RIMS1: variants seen among roughly 807,000 people sequenced by gnomAD.
RIMS1 encodes regulating synaptic membrane exocytosis protein 1.
A neutral mutation model predicts 214.1 loss-of-function variants in RIMS1; 83 were observed. That is an observed-to-expected ratio of 0.39 (90% CI 0.32 to 0.47). The LOEUF is 0.47. RIMS1 is among the 20% of genes least tolerant of loss of function. The pLI, the probability that RIMS1 is intolerant of heterozygous loss-of-function variation, is 0.99. For synonymous variants in RIMS1, 793 were observed against 786.8 expected (o/e 1.01, Z -0.13); for missense variants, 2,050 against 2,161.8 (o/e 0.95, Z 1.03).
chr6:72,327,051 C>T (rs547126060), intron 28 of RIMS1, among the ~76,000 whole-genome samples: 1 of 151,738 alleles, frequency 6.6e-6, no homozygotes, highest in South Asian at 2.1e-4. Context: ...CCTAAAGCCT[C>T]CAGATGAAAC....
intron 29 of RIMS1, among the ~76,000 whole-genome samples, chr6:72,337,871 G>A (rs529853202): frequency 2.0e-4 from 30 of 151,236 alleles, no homozygotes; most frequent in African/African-American, 6.8e-4. Context: ...ATAGTTTGCT[G>A]AGAATGATGG....
chr6:71,996,396 T>C (rs1803443731), intron 2 of RIMS1, among the ~76,000 whole-genome samples: 1 of 152,208 alleles, frequency 6.6e-6, no homozygotes, highest in Admixed American at 6.5e-5. Context: ...TTGTGTTTTA[T>C]ACCTTTACAC....
At chr6:71,896,858 C>T (rs978152491) in intron 1 of RIMS1, among the ~76,000 whole-genome samples, 6 of 152,098 alleles carry the variant, frequency 3.9e-5, no homozygotes, top group African/African-American at 1.4e-4. Flanking sequence ...CCATATTCTC[C>T]CATTTTATAT....
At chr6:72,176,396 G>T (rs745668133) in intron 4 of RIMS1, among the ~76,000 whole-genome samples, 5 of 152,146 alleles carry the variant, frequency 3.3e-5, no homozygotes, top group South Asian at 4.1e-4. Context: ...TACTGTAGAG[G>T]TCTGCAATGT....
At chr6:72,197,086 G>A (rs2051123583) in intron 6 of RIMS1, among the ~76,000 whole-genome samples, 1 of 152,046 alleles carries the variant, frequency 6.6e-6, no homozygotes, top group African/African-American at 2.4e-5. Flanking sequence ...CAGATACTAG[G>A]AGTAGGTGCC....
At chr6:72,022,674 T>C (rs1202954390) in intron 2 of RIMS1, among the ~76,000 whole-genome samples, 1 of 152,212 alleles carries the variant, frequency 6.6e-6, no homozygotes, top group African/African-American at 2.4e-5. Flanking sequence ...TTCGATGAAA[T>C]TGGTTTGAGA....
chr6:72,358,796 T>C (rs1479244654), intron 29 of RIMS1, among the ~76,000 whole-genome samples: 2 of 152,072 alleles, frequency 1.3e-5, no homozygotes, highest in East Asian at 3.9e-4. Flanking sequence ...AGGGAAAGAA[T>C]AGATGTGGGA....
intron 4 of RIMS1, among the ~76,000 whole-genome samples, chr6:72,150,689 G>T (rs2043424679): frequency 6.6e-6 from 1 of 152,134 alleles, no homozygotes; most frequent in Non-Finnish European, 1.5e-5. Context: ...AAATGAATAT[G>T]CAATAGTAAT....
intron 2 of RIMS1, among the ~76,000 whole-genome samples, chr6:71,973,903 G>A (rs954047949): frequency 2.8e-4 from 42 of 152,234 alleles, no homozygotes; most frequent in Admixed American, 2.5e-3. Context: ...TCTTACCCAC[G>A]CAGGTTTTCC....
chr6:72,128,585 TG>T (rs1217968351), intron 4 of RIMS1, among the ~76,000 whole-genome samples: 2 of 152,204 alleles, frequency 1.3e-5, no homozygotes, highest in African/African-American at 2.4e-5. Context: ...TCTTCAAGAA[TG>T]GGGAATCTTC....
At position 72,255,908 on chromosome 6, in the gene RIMS1, C is replaced by T. The variant is rs138442915; in HGVS notation, c.2771-2217C>T. 1.4e-3 allele frequency among the ~76,000 whole-genome samples: 212 copies of T among 151,804 alleles called. 2 individuals are homozygous for T. The highest frequency in any genetic ancestry group is 4.2e-3 in the African/African-American group (175 of 41,410). On this transcript the variant is annotated intron_variant, in intron 16 of 33. Transcript: ENST00000521978. ...AAAATTAGCTGGGCCTGGTGGCGCA[C>T]GCCTGTAATCCTATCTATTCAGGAG...
intron 4 of RIMS1, among the ~76,000 whole-genome samples, chr6:72,164,883 T>C (rs1451923700): frequency 6.6e-6 from 1 of 152,198 alleles, no homozygotes; most frequent in Non-Finnish European, 1.5e-5. Context: ...ATCCCATCAT[T>C]GAGGTTTCAC....
chr6:71,898,229 A>G (rs966277427), intron 1 of RIMS1, among the ~76,000 whole-genome samples: 2 of 152,140 alleles, frequency 1.3e-5, no homozygotes, highest in Non-Finnish European at 2.9e-5. Flanking sequence ...ATAAAACATC[A>G]CTAACTTCCA....
intron 6 of RIMS1, among the ~76,000 whole-genome samples, chr6:72,214,369 A>G (rs1466208981): frequency 6.6e-6 from 1 of 152,142 alleles, no homozygotes; most frequent in Non-Finnish European, 1.5e-5. Context: ...AACAGAAAAT[A>G]CTTGATAAAC....
intron 6 of RIMS1, among the ~76,000 whole-genome samples, chr6:72,226,655 A>G (rs1420672652): frequency 6.6e-6 from 1 of 152,112 alleles, no homozygotes; most frequent in Non-Finnish European, 1.5e-5. Flanking sequence ...TTTTTAAGGT[A>G]TAATACAAGC....
chr6:72,237,264 G>C (rs2064579349), intron 8 of RIMS1, among the ~76,000 whole-genome samples: 1 of 150,924 alleles, frequency 6.6e-6, no homozygotes, highest in Admixed American at 6.6e-5. Context: ...GAGGGAGGGA[G>C]GAAGGGAAAG....
intron 2 of RIMS1, among the ~76,000 whole-genome samples, chr6:72,072,737 T>G (rs1188845736): frequency 6.6e-6 from 1 of 152,174 alleles, no homozygotes; most frequent in African/African-American, 2.4e-5. Flanking sequence ...AAAACTAGTG[T>G]CAACACCACC....
chr6:72,241,505 A>G (rs2066912953), intron 9 of RIMS1, among the ~76,000 whole-genome samples: 1 of 152,164 alleles, frequency 6.6e-6, no homozygotes, highest in Non-Finnish European at 1.5e-5. Flanking sequence ...AACAACTGTA[A>G]GTTGTTAGCC....
chr6:72,001,231 C>T (rs543941088), intron 2 of RIMS1, among the ~76,000 whole-genome samples: 1 of 152,272 alleles, frequency 6.6e-6, no homozygotes, highest in East Asian at 1.9e-4. Flanking sequence ...CCTCACTGCA[C>T]ATTCTTATCA....
Sources: gnomAD v4.1 joint callset for allele counts (sites outside exome capture counted in the v4.1 genomes callset) on GRCh38, gnomAD v4.1.1 for gene constraint, MANE v1.5 for transcripts, NCBI Gene and HGNC (gene_info 2026-07-23, HGNC 2026-07-21) for gene names.